Variants in NELL2 observed in about 807,000 individuals in gnomAD.
NELL2 encodes the protein protein kinase C-binding protein NELL2.
NELL2 carries 41 observed loss-of-function variants against 109.6 expected under a neutral mutation model. The ratio of observed to expected loss-of-function variants is 0.37; its 90% CI spans 0.29 to 0.49. NELL2 has a LOEUF of 0.49. NELL2 is among the 20% of genes least tolerant of loss of function. The probability of loss-of-function intolerance (pLI) is 0.98; values close to 1 mark genes in which losing one functional copy is unlikely to be tolerated. For missense variants in NELL2, 900 were observed against 1,008.3 expected (o/e 0.89, Z 1.45); for synonymous variants, 355 against 344.7 (o/e 1.03, Z -0.33).
intron 13 of NELL2, among the ~76,000 whole-genome samples, chr12:44,612,555 G>A (rs1945661281): frequency 1.3e-5 from 2 of 151,640 alleles, no homozygotes; most frequent in African/African-American, 4.8e-5. Context: ...AAAAGAGCTG[G>A]ATTACACATG....
intron 9 of NELL2, among the ~76,000 whole-genome samples, chr12:44,723,743 A>C (rs1400093142): frequency 6.6e-6 from 1 of 152,136 alleles, no homozygotes; most frequent in Non-Finnish European, 1.5e-5. Context: ...TTTTACTGAC[A>C]CATAATTTCA....
chr12:44,540,560 C>T (rs556753962), intron 15 of NELL2, among the ~76,000 whole-genome samples: 1 of 152,130 alleles, frequency 6.6e-6, no homozygotes, highest in Non-Finnish European at 1.5e-5. Context: ...TACTCATCTC[C>T]TCCCACCATG....
At chr12:44,546,386 A>G (rs936072451) in intron 15 of NELL2, among the ~76,000 whole-genome samples, 1 of 152,090 alleles carries the variant, frequency 6.6e-6, no homozygotes, top group Non-Finnish European at 1.5e-5. Flanking sequence ...CCATTTTATT[A>G]TAACAACCAC....
chr12:44,673,988 A>G (rs1948226666), intron 12 of NELL2, among the ~76,000 whole-genome samples: 3 of 152,166 alleles, frequency 2.0e-5, no homozygotes, highest in Non-Finnish European at 4.4e-5. Context: ...GACATGCACT[A>G]TGTTCCAAGT....
rs1394471818 is a variant in NELL2 at position 44,714,589 on chromosome 12, A to C, written c.1086+61T>G. On this transcript the variant is annotated intron_variant, in intron 10 of 19. Coordinates refer to ENST00000429094, the MANE Select transcript of NELL2 (RefSeq NM_001145108.2). The stretch of plus-strand genomic sequence containing the variant: ...GTATTTCAAGGTTGAGCTAGTAAAG[A>C]AACTTTTATCTTGTTTATAAATAGA... The C allele has an allele frequency of 4.9e-6, 5 of 1,026,270 alleles. No homozygotes were observed. In the East Asian group the frequency reaches 1.1e-4, roughly 23 times the overall value. The allele number at this position is 1,026,270 out of a possible 1,614,324, so 63.6% of individuals were successfully genotyped here.
intron 9 of NELL2, among the ~76,000 whole-genome samples, chr12:44,743,176 C>G (rs1046718750): frequency 1.8e-4 from 27 of 152,100 alleles, no homozygotes; most frequent in Non-Finnish European, 3.5e-4. Flanking sequence ...AATTTTCAAC[C>G]CAGAATTTCA....
intron 3 of NELL2, among the ~76,000 whole-genome samples, chr12:44,796,904 C>T (rs774744270): frequency 2.8e-4 from 43 of 151,996 alleles, no homozygotes; most frequent in Admixed American, 4.6e-4. Flanking sequence ...TTGTAAATTA[C>T]AGGTAATTTA....
At chr12:44,746,286 C>CA (rs1220394051) in intron 9 of NELL2, among the ~76,000 whole-genome samples, 1 of 152,142 alleles carries the variant, frequency 6.6e-6, no homozygotes, top group Admixed American at 6.5e-5. Flanking sequence ...ATACCTTATA[C>CA]AAAAATTAAC....
At chr12:44,791,110 T>C (rs11610115) in intron 3 of NELL2, among the ~76,000 whole-genome samples, 4 of 20,514 alleles carry the variant, frequency 1.9e-4, no homozygotes, top group African/African-American at 7.3e-4. Context: ...TATATATATG[T>C]ATATATATAT....
intron 3 of NELL2, among the ~76,000 whole-genome samples, chr12:44,781,015 C>A (rs924425770): frequency 6.6e-6 from 1 of 151,762 alleles, no homozygotes; most frequent in Non-Finnish European, 1.5e-5. Context: ...TTCATTATAC[C>A]AAGAAGCAAA....
intron 9 of NELL2, among the ~76,000 whole-genome samples, chr12:44,735,354 C>A (rs928476838): frequency 6.6e-6 from 1 of 151,882 alleles, no homozygotes; most frequent in South Asian, 2.1e-4. Flanking sequence ...ATAGATTTCT[C>A]CAGGAAGAAT....
Position 44,672,424 on chromosome 12 carries a change from T to C in NELL2, c.1319-6815A>G, listed in dbSNP as rs1054674993. 7.2e-5 allele frequency among the ~76,000 whole-genome samples: 11 copies of C among 152,124 alleles called. 1 individual carries two copies. Among genetic ancestry groups the C allele is most frequent in the Admixed American group, 2.0e-4 (3 of 15,280 alleles). Reference sequence around the variant, plus strand: ...CTGACTAATGCCTGATGATCTGAGGTATAACAGTTTCATCCCGAAACCATC... The same window carrying C: ...CTGACTAATGCCTGATGATCTGAGGCATAACAGTTTCATCCCGAAACCATC... On this transcript the variant is annotated intron_variant, in intron 12 of 19. Transcript: ENST00000429094.
intron 9 of NELL2, among the ~76,000 whole-genome samples, chr12:44,732,691 A>C (rs1310163281): frequency 6.6e-6 from 1 of 152,070 alleles, no homozygotes; most frequent in African/African-American, 2.4e-5. Flanking sequence ...CAAAAGCAAA[A>C]ATAGAGAAAC....
intron 9 of NELL2, among the ~76,000 whole-genome samples, chr12:44,723,594 C>A (rs1192034805): frequency 6.6e-6 from 1 of 151,360 alleles, no homozygotes; most frequent in Non-Finnish European, 1.5e-5. Flanking sequence ...TATAAGTAAG[C>A]CTTTCAATGT....
intron 16 of NELL2, among the ~76,000 whole-genome samples, chr12:44,531,683 TATC>T (rs1942067270): frequency 1.3e-5 from 2 of 152,366 alleles, no homozygotes; most frequent in South Asian, 4.1e-4. Flanking sequence ...AAAAACATCT[TATC>T]ATTTAGGTGT....
intron 13 of NELL2, among the ~76,000 whole-genome samples, chr12:44,623,948 G>A (rs577041109): frequency 5.3e-5 from 8 of 152,096 alleles, no homozygotes; most frequent in Non-Finnish European, 7.4e-5. Context: ...AGAACACATG[G>A]ACACAGGGAG....
Position 44,755,690 on chromosome 12 carries a change from A to C in NELL2, c.994+19057T>G, listed in dbSNP as rs114670486. Among the ~76,000 whole-genome samples the C allele has an allele frequency of 6.5e-3, 983 of 152,164 alleles. 18 individuals carry two copies. Among genetic ancestry groups the C allele is most frequent in the African/African-American group, 0.022 (933 of 41,524 alleles). On this transcript the variant is annotated intron_variant, in intron 9 of 19. Coordinates refer to ENST00000429094, the MANE Select transcript of NELL2 (RefSeq NM_001145108.2). ...ACTATTCCCACTGCATTTATTCTTC[A>C]ACCTTGTTAGTGCTTCCTGTTCCAT... is the stretch of plus-strand genomic sequence containing the variant.
intron 16 of NELL2, among the ~76,000 whole-genome samples, chr12:44,526,717 A>G (rs527930663): frequency 7.2e-5 from 11 of 152,368 alleles, no homozygotes; most frequent in Non-Finnish European, 1.6e-4. Context: ...TTATTTATGG[A>G]AAGAAGAGCA....
chr12:44,720,408 C>T (rs1938704194), intron 9 of NELL2, among the ~76,000 whole-genome samples: 1 of 152,066 alleles, frequency 6.6e-6, no homozygotes. Flanking sequence ...GTGGAGTTTG[C>T]ATCTTATAAA....
Sources: allele counts gnomAD v4.1 joint callset (sites outside exome capture counted in the v4.1 genomes callset), GRCh38; gene constraint gnomAD v4.1.1; transcripts MANE v1.5; gene names NCBI Gene and HGNC (gene_info 2026-07-23, HGNC 2026-07-21).